Variants in FAM169A observed in about 807,000 individuals in gnomAD.
The protein encoded by FAM169A is soluble lamin-associated protein of 75 kDa.
Under a neutral mutation model 75.7 loss-of-function variants are expected in FAM169A, and 24 were observed. The observed-to-expected ratio is 0.32, with a 90% CI of 0.23 to 0.45. FAM169A has a LOEUF of 0.45. Ranked by LOEUF, FAM169A falls within the 20% of genes least tolerant of loss-of-function variation. The pLI is 1.00. For missense variants in FAM169A, 673 were observed against 784.0 expected, an observed-to-expected ratio of 0.86 and a Z score of 1.69; for synonymous variants, 271 against 271.0, an observed-to-expected ratio of 1.00 and a Z score of 0.00.
At chr5:74,818,803 C>CTATATATATA (rs58520219) in intron 5 of FAM169A, among the ~76,000 whole-genome samples, 3 of 121,618 alleles carry the variant, frequency 2.5e-5, no homozygotes, top group African/African-American at 1.0e-4. Flanking sequence ...CTCTCTCTCT[C>CTATATATATA]TATATATATA....
intron 11 of FAM169A, among the ~76,000 whole-genome samples, chr5:74,787,209 T>C (rs1053976477): frequency 3.3e-5 from 5 of 152,124 alleles, no homozygotes; most frequent in African/African-American, 7.2e-5. Flanking sequence ...GGAAGGAACA[T>C]AGAGTTCGAT....
At chr5:74,814,624 G>C (rs1462445225) in intron 5 of FAM169A, among the ~76,000 whole-genome samples, 1 of 152,088 alleles carries the variant, frequency 6.6e-6, no homozygotes, top group Admixed American at 6.6e-5. Context: ...ATTTCCTGTA[G>C]ATACAATGCT....
At chr5:74,787,710 A>G (rs147338783) in intron 11 of FAM169A, among the ~76,000 whole-genome samples, 2 of 152,294 alleles carry the variant, frequency 1.3e-5, no homozygotes, top group East Asian at 1.9e-4. Context: ...AATGGACCGC[A>G]GCAGAGGCAA....
Position 74,843,970 on chromosome 5 carries a change from C to T in FAM169A, c.-3-2291G>A, listed in dbSNP as rs544332788. 1.2e-4 allele frequency among the ~76,000 whole-genome samples: 18 copies of T among 152,104 alleles called. No homozygotes were observed. In the East Asian group the frequency reaches 2.5e-3, roughly 21 times the overall value. On this transcript the variant is annotated intron_variant, in intron 1 of 12. Coordinates refer to ENST00000687041, the MANE Select transcript of FAM169A (RefSeq NM_001376049.1). ...AAAATCAGACCTAAATCTAACCAAG[C>T]CATTAGAGAAATATGTTAAATGATG...
chr5:74,809,064 G>A (rs1747033110), intron 6 of FAM169A, among the ~76,000 whole-genome samples: 1 of 152,030 alleles, frequency 6.6e-6, no homozygotes, highest in Admixed American at 6.6e-5. Flanking sequence ...AAAAGACATG[G>A]CTAATAAACC....
chr5:74,857,461 T>C (rs1485784165), intron 1 of FAM169A, among the ~76,000 whole-genome samples: 1 of 149,890 alleles, frequency 6.7e-6, no homozygotes, highest in Non-Finnish European at 1.5e-5. Context: ...TGAGGGAGAA[T>C]GGCTTGAGTC....
intron 10 of FAM169A, chr5:74,800,124 T>G (rs1027297282): frequency 6.8e-5 from 37 of 544,464 alleles, no homozygotes; most frequent in Non-Finnish European, 1.2e-4. Context: ...TATGGCTGAC[T>G]GCAGCTGTGC....
intron 12 of FAM169A, 83 bp downstream of exon 12, chr5:74,782,848 C>T: frequency 1.1e-6 from 1 of 936,906 alleles, no homozygotes; most frequent in South Asian, 1.7e-5. Flanking sequence ...AAGGTGGAAG[C>T]AAATATATAT....
intron 6 of FAM169A, among the ~76,000 whole-genome samples, chr5:74,807,305 A>G (rs984846138): frequency 6.6e-6 from 1 of 152,162 alleles, no homozygotes; most frequent in Non-Finnish European, 1.5e-5. Flanking sequence ...CACAAAGCCT[A>G]TTTTATGATA....
intron 1 of FAM169A, among the ~76,000 whole-genome samples, chr5:74,847,371 G>C (rs181275941): frequency 2.5e-4 from 37 of 150,480 alleles, no homozygotes; most frequent in Middle Eastern, 3.4e-3. Context: ...CATTTTAAGT[G>C]AAATTATAGA....
intron 6 of FAM169A, among the ~76,000 whole-genome samples, chr5:74,813,061 C>A (rs865893117): frequency 1.3e-5 from 2 of 152,142 alleles, no homozygotes; most frequent in African/African-American, 4.8e-5. Flanking sequence ...AGAAGCCAGA[C>A]ACAAAAAGCC....
chr5:74,829,989 T>C (rs1176764283), intron 5 of FAM169A, among the ~76,000 whole-genome samples: 1 of 151,780 alleles, frequency 6.6e-6, no homozygotes, highest in African/African-American at 2.4e-5. Flanking sequence ...AAAAAAGAAA[T>C]ATGGGGAATA....
At chr5:74,824,612 C>T (rs1246261648) in intron 5 of FAM169A, among the ~76,000 whole-genome samples, 1 of 148,516 alleles carries the variant, frequency 6.7e-6, no homozygotes, top group African/African-American at 2.5e-5. Context: ...TGTTTTTAAT[C>T]AAAGTCATCC....
chr5:74,820,469 C>T (rs1747716390), intron 5 of FAM169A, among the ~76,000 whole-genome samples: 1 of 152,108 alleles, frequency 6.6e-6, no homozygotes, highest in South Asian at 2.1e-4. Flanking sequence ...TTTTAGTAAA[C>T]CTCGCCCCTA....
chr5:74,853,615 C>G (rs954845315), intron 1 of FAM169A, among the ~76,000 whole-genome samples: 4 of 151,846 alleles, frequency 2.6e-5, no homozygotes, highest in African/African-American at 9.7e-5. Flanking sequence ...ATTATTCAGT[C>G]TCTGCTTAGG....
chr5:74,817,685 A>G (rs1747541280), intron 5 of FAM169A, among the ~76,000 whole-genome samples: 1 of 152,282 alleles, frequency 6.6e-6, no homozygotes, highest in East Asian at 1.9e-4. Flanking sequence ...ACAGGAAAAT[A>G]AGGAGCCCAA....
At chr5:74,865,490 C>A (rs1476757366) in intron 1 of FAM169A, 1 of 152,148 alleles carries the variant, frequency 6.6e-6, no homozygotes, top group Admixed American at 6.5e-5. Context: ...TCATGGGAGT[C>A]AGTGTAATCC....
intron 1 of FAM169A, among the ~76,000 whole-genome samples, chr5:74,851,757 AG>A (rs2112714327): frequency 6.6e-6 from 1 of 152,318 alleles, no homozygotes; most frequent in African/African-American, 2.4e-5. Context: ...TACAAAGCTC[AG>A]GAAAGAAAAA....
intron 5 of FAM169A, among the ~76,000 whole-genome samples, chr5:74,820,483 G>A (rs539229973): frequency 2.0e-5 from 3 of 151,850 alleles, no homozygotes; most frequent in South Asian, 4.2e-4. Flanking sequence ...GCCCCTACTC[G>A]CCCACTCTAG....
Sources: allele counts gnomAD v4.1 joint callset (sites outside exome capture counted in the v4.1 genomes callset), GRCh38; gene constraint gnomAD v4.1.1; transcripts MANE v1.5; gene names NCBI Gene and HGNC (gene_info 2026-07-23, HGNC 2026-07-21).